PEAK1: variants seen among roughly 807,000 people sequenced by gnomAD.
PEAK1 encodes the protein pseudopodium enriched atypical kinase 1.
In PEAK1, 54 loss-of-function variants were observed where a neutral mutation model predicts 124.7. The observed-to-expected ratio is 0.43, with a 90% CI of 0.35 to 0.54. The LOEUF (loss-of-function observed/expected upper bound fraction) is 0.54, where lower values mean the gene tolerates loss of function less well. PEAK1 is among the 20% of genes least tolerant of loss of function. PEAK1 has a pLI of 0.01. For synonymous variants in PEAK1, 719 were observed against 760.0 expected, an observed-to-expected ratio of 0.95 and a Z score of 0.89; for missense variants, 2,046 against 2,134.5, an observed-to-expected ratio of 0.96 and a Z score of 0.82.
intron 2 of PEAK1, chr15:77,335,867 A>G (rs953985211): frequency 1.0e-6 from 1 of 985,278 alleles, no homozygotes; most frequent in Non-Finnish European, 1.2e-6. Flanking sequence ...AAGAGACTTG[A>G]CAACATGCCA....
chr15:77,373,480 G>A (rs2068789216), intron 1 of PEAK1, among the ~76,000 whole-genome samples: 2 of 152,250 alleles, frequency 1.3e-5, no homozygotes, highest in African/African-American at 4.8e-5. Context: ...CACACCAACA[G>A]AGCCTGAAGG....
At position 77,348,021 on chromosome 15, in the gene PEAK1, C is replaced by G. The variant is rs1025714719; in HGVS notation, c.-603+17142G>C. The stretch of plus-strand genomic sequence containing the variant: ...TAATAGTGCTATAATGTTAAAATTC[C>G]CAAACTATGCACATGGCTATCAAAT... On this transcript the variant is annotated intron_variant, in intron 2 of 9. Coordinates refer to ENST00000682557, the MANE Select transcript of PEAK1 (RefSeq NM_001385026.1). The G allele has an allele frequency of 7.1e-6, 7 of 984,926 alleles. No individual in the cohort carries two copies. The African/African-American group carries it at 1.1e-4, about 15-fold the overall frequency. The allele number at this position is 984,926 out of a possible 1,614,324, so 61.0% of individuals were successfully genotyped here.
In PEAK1 at chr15:77,114,415, C is replaced by A. The variant is rs1330206517; in HGVS notation, c.4982G>T (p.Gly1661Val). Reference protein sequence around the residue: ...SERILISDAKGILQCLLWGPR... With the variant: ...SERILISDAKVILQCLLWGPR... Reference sequence around the variant, plus strand: ...GCCCCAGAGCAGACACTGGAGGATGCCTTTGGCGTCTGAAATGAGGATCCG... The same window carrying A: ...GCCCCAGAGCAGACACTGGAGGATGACTTTGGCGTCTGAAATGAGGATCCG... Residue 1661 changes from glycine to valine, a missense_variant, in exon 10 of 10, where the codon GGC becomes GTC. Coordinates refer to ENST00000682557, the MANE Select transcript of PEAK1 (RefSeq NM_001385026.1). The A allele has an allele frequency of 3.1e-6, 5 of 1,614,158 alleles. No homozygotes were observed. The highest frequency in any genetic ancestry group is 4.2e-6 in the Non-Finnish European group (5 of 1,180,030).
intron 6 of PEAK1, among the ~76,000 whole-genome samples, chr15:77,215,636 T>C (rs368821353): frequency 3.9e-5 from 6 of 152,236 alleles, no homozygotes; most frequent in East Asian, 1.9e-4. Context: ...ATATTTTCGA[T>C]CTGTGGTTGG....
intron 2 of PEAK1, among the ~76,000 whole-genome samples, chr15:77,363,748 G>A (rs536724078): frequency 6.6e-6 from 1 of 152,240 alleles, no homozygotes; most frequent in South Asian, 2.1e-4. Context: ...CTTCAACATG[G>A]ATGAAGCTTA....
chr15:77,410,785 C>G (rs1442180180), intron 1 of PEAK1, among the ~76,000 whole-genome samples: 1 of 152,182 alleles, frequency 6.6e-6, no homozygotes, highest in Non-Finnish European at 1.5e-5. Context: ...TGGATAATAG[C>G]TTTGTCGACT....
At chr15:77,153,643 T>C (rs916431506) in intron 8 of PEAK1, among the ~76,000 whole-genome samples, 46 of 152,242 alleles carry the variant, frequency 3.0e-4, no homozygotes, top group African/African-American at 1.0e-3. Context: ...TTTCCCTCTA[T>C]GCACTGCTTT....
downstream of PEAK1, chr15:77,105,097 CTCTA>C (rs1166292260): frequency 6.6e-6 from 1 of 152,178 alleles, no homozygotes; most frequent in Non-Finnish European, 1.5e-5. Context: ...GAGTTTTTTG[CTCTA>C]TCTTTGACTC....
At chr15:77,249,530 G>A (rs773241358) in intron 6 of PEAK1, among the ~76,000 whole-genome samples, 1 of 152,042 alleles carries the variant, frequency 6.6e-6, no homozygotes, top group South Asian at 2.1e-4. Context: ...TCAAAGTCAC[G>A]GTAGATTATA....
chr15:77,310,800 A>G (rs932147369), intron 2 of PEAK1, among the ~76,000 whole-genome samples: 2 of 152,232 alleles, frequency 1.3e-5, no homozygotes, highest in African/African-American at 4.8e-5. Context: ...GATCTGAAGG[A>G]TGAAATCTAA....
Position 77,180,565 on chromosome 15 carries a change from G to C in PEAK1, c.1362C>G (p.Pro454=). Residue 454 remains proline (P), a synonymous_variant, in exon 7 of 10, where the codon CCC becomes CCG. Transcript: ENST00000682557. ...AGQAVTINLV[P]TEEQAKPYRV... ...GGTAAGGTTTTGCTTGCTCTTCTGT[G>C]GGGACAAGGTTTATGGTTACTGCTT... 1 of 1,614,052 alleles carries C rather than the reference G, an allele frequency of 6.2e-7. No individual in the cohort carries two copies. The highest frequency in any genetic ancestry group is 8.5e-7 in the Non-Finnish European group (1 of 1,179,988).
At chr15:77,417,863 AT>A (rs1444215799) in intron 1 of PEAK1, 2 of 985,332 alleles carry the variant, frequency 2.0e-6, no homozygotes, top group Non-Finnish European at 1.2e-6. Context: ...TATTTGGCAA[AT>A]ATGGTTGGCA....
exon 7 of PEAK1, chr15:77,102,624 C>T (rs1178953059): frequency 6.6e-6 from 1 of 152,198 alleles, no homozygotes; most frequent in East Asian, 1.9e-4. Context: ...ATTGTACCAG[C>T]ACATTGGATA....
intron 6 of PEAK1, among the ~76,000 whole-genome samples, chr15:77,195,197 C>G (rs759302888): frequency 6.6e-6 from 1 of 152,026 alleles, no homozygotes; most frequent in Non-Finnish European, 1.5e-5. Flanking sequence ...AATGACTATT[C>G]AAACTGAAAA....
intron 6 of PEAK1, among the ~76,000 whole-genome samples, chr15:77,240,835 A>G (rs1164179430): frequency 6.6e-6 from 1 of 152,202 alleles, no homozygotes; most frequent in Non-Finnish European, 1.5e-5. Flanking sequence ...TCTGTGGCCA[A>G]TAAGCACATG....
intron 6 of PEAK1, among the ~76,000 whole-genome samples, chr15:77,187,031 T>G (rs974127977): frequency 2.0e-5 from 3 of 152,230 alleles, no homozygotes; most frequent in African/African-American, 7.2e-5. Context: ...AAACAGTCTA[T>G]CCTGGTGTCT....
intron 7 of PEAK1, among the ~76,000 whole-genome samples, chr15:77,163,130 C>T (rs2055806456): frequency 1.3e-5 from 2 of 152,280 alleles, no homozygotes; most frequent in Admixed American, 6.5e-5. Context: ...ACTTTTTGTC[C>T]TGAACCTTCA....
chr15:77,315,354 T>C (rs1048176905), intron 2 of PEAK1, among the ~76,000 whole-genome samples: 1 of 152,216 alleles, frequency 6.6e-6, no homozygotes, highest in Non-Finnish European at 1.5e-5. Flanking sequence ...AACAAGGTCA[T>C]ACATACCTTA....
intron 2 of PEAK1, chr15:77,332,205 A>G: frequency 1.0e-6 from 1 of 979,406 alleles, no homozygotes; most frequent in South Asian, 4.7e-5. Context: ...CCTCACTAAC[A>G]ATGCATATGT....
Sources: gnomAD v4.1 joint callset for allele counts (sites outside exome capture counted in the v4.1 genomes callset) on GRCh38, gnomAD v4.1.1 for gene constraint, MANE v1.5 for transcripts, NCBI Gene and HGNC (gene_info 2026-07-23, HGNC 2026-07-21) for gene names.